GRIP1: variants seen among roughly 807,000 people sequenced by gnomAD.
The protein encoded by GRIP1 is glutamate receptor interacting protein 1.
Under a neutral mutation model 129.9 loss-of-function variants are expected in GRIP1, and 45 were observed. The observed-to-expected ratio is 0.35, with a 90% CI of 0.27 to 0.44. The LOEUF is 0.44. Ranked by LOEUF, GRIP1 falls within the 20% of genes least tolerant of loss-of-function variation. The pLI is 1.00. For missense variants in GRIP1, 1,196 were observed against 1,396.8 expected (o/e 0.86, Z 2.29); for synonymous variants, 530 against 520.8 (o/e 1.02, Z -0.24).
intron 7 of GRIP1, among the ~76,000 whole-genome samples, chr12:66,496,207 C>A (rs974309765): frequency 1.2e-4 from 19 of 152,224 alleles, no homozygotes; most frequent in Admixed American, 1.0e-3. Flanking sequence ...TGAAGCCACA[C>A]CTGAACGTGT....
At chr12:66,749,011 A>C (rs905244853) in intron 1 of GRIP1, among the ~76,000 whole-genome samples, 2 of 152,188 alleles carry the variant, frequency 1.3e-5, no homozygotes, top group African/African-American at 4.8e-5. Flanking sequence ...GCAGACACTT[A>C]ATAAACATTT....
chr12:66,984,009 T>C (rs1020206008), intron 1 of GRIP1, among the ~76,000 whole-genome samples: 8 of 152,118 alleles, frequency 5.3e-5, no homozygotes, highest in African/African-American at 1.4e-4. Context: ...AAGATGGGGA[T>C]GTTCAGGTTA....
At chr12:66,761,486 C>T (rs1253000657) in intron 1 of GRIP1, among the ~76,000 whole-genome samples, 2 of 152,102 alleles carry the variant, frequency 1.3e-5, no homozygotes, top group Non-Finnish European at 2.9e-5. Context: ...TCTAATGTTC[C>T]AGATCCCACA....
intron 1 of GRIP1, among the ~76,000 whole-genome samples, chr12:66,751,314 A>C (rs1179643565): frequency 6.6e-6 from 1 of 152,186 alleles, no homozygotes; most frequent in Non-Finnish European, 1.5e-5. Flanking sequence ...GAGTTCGGTG[A>C]GTAGAGAAGC....
intron 8 of GRIP1, 40 bp from the exon 9 acceptor site, chr12:66,463,133 C>T (rs767671509): frequency 2.2e-5 from 33 of 1,531,208 alleles, no homozygotes; most frequent in Non-Finnish European, 2.8e-5. Context: ...GCAGTGCCTT[C>T]CTCTTTGGAA....
At chr12:67,059,856 C>T (rs1386805059) in intron 1 of GRIP1, among the ~76,000 whole-genome samples, 2 of 152,030 alleles carry the variant, frequency 1.3e-5, no homozygotes, top group Non-Finnish European at 2.9e-5. Context: ...TATTACCTGC[C>T]CAAGGTTACA....
intron 1 of GRIP1, among the ~76,000 whole-genome samples, chr12:66,925,113 T>C (rs1217229977): frequency 6.6e-6 from 1 of 152,166 alleles, no homozygotes; most frequent in African/African-American, 2.4e-5. Flanking sequence ...ATAAGATTCA[T>C]AGGAAGAGAG....
intron 1 of GRIP1, among the ~76,000 whole-genome samples, chr12:66,928,104 T>G (rs1052099061): frequency 9.2e-5 from 14 of 152,340 alleles, no homozygotes; most frequent in Non-Finnish European, 1.9e-4. Flanking sequence ...GGACTTCAGT[T>G]GTGTTTGATC....
intron 2 of GRIP1, chr12:66,568,406 T>C (rs1298723883): frequency 5.8e-6 from 1 of 173,480 alleles, no homozygotes; most frequent in African/African-American, 2.4e-5. Flanking sequence ...TCTACTTTAG[T>C]AAGATCCATA....
At chr12:66,561,558 A>C (rs2062530197) in intron 2 of GRIP1, among the ~76,000 whole-genome samples, 1 of 152,122 alleles carries the variant, frequency 6.6e-6, no homozygotes, top group Non-Finnish European at 1.5e-5. Flanking sequence ...ATTTAGAAAA[A>C]CAAAGGGTTA....
intron 4 of GRIP1, among the ~76,000 whole-genome samples, chr12:66,534,839 G>A (rs567872271): frequency 2.6e-5 from 4 of 152,052 alleles, no homozygotes; most frequent in East Asian, 1.9e-4. Flanking sequence ...GATTACTGGC[G>A]CCCACCACCA....
At chr12:66,877,360 A>C in intron 1 of GRIP1, among the ~76,000 whole-genome samples, 1 of 152,042 alleles carries the variant, frequency 6.6e-6, no homozygotes, top group Non-Finnish European at 1.5e-5. Context: ...ATGTATGTTG[A>C]TATTGTTGGT....
intron 1 of GRIP1, among the ~76,000 whole-genome samples, chr12:66,882,826 T>G (rs1195875843): frequency 6.6e-6 from 1 of 152,078 alleles, no homozygotes; most frequent in Admixed American, 6.6e-5. Context: ...GCCAGAAGGA[T>G]TATTATCTCC....
intron 1 of GRIP1, among the ~76,000 whole-genome samples, chr12:66,696,992 G>A (rs1391837614): frequency 2.0e-5 from 3 of 152,152 alleles, no homozygotes; most frequent in South Asian, 2.1e-4. Context: ...TCTGGGTTCT[G>A]TAAAGCACAA....
chr12:66,832,721 G>T (rs1338365061), intron 1 of GRIP1, among the ~76,000 whole-genome samples: 1 of 152,044 alleles, frequency 6.6e-6, no homozygotes, highest in Non-Finnish European at 1.5e-5. Context: ...CTGTTTCTCT[G>T]GCCTTAGGCA....
intron 13 of GRIP1, among the ~76,000 whole-genome samples, chr12:66,438,442 C>G (rs1236927228): frequency 6.6e-6 from 1 of 151,912 alleles, no homozygotes; most frequent in Non-Finnish European, 1.5e-5. Context: ...GTTCCTGATC[C>G]CAGTTCCTCA....
chr12:66,941,904 G>A (rs57606111), intron 1 of GRIP1, among the ~76,000 whole-genome samples: 2,757 of 152,068 alleles, frequency 0.018, 96 homozygotes, highest in African/African-American at 0.063. Flanking sequence ...TCATCCAATC[G>A]CACAGCAAAC....
intron 1 of GRIP1, among the ~76,000 whole-genome samples, chr12:66,856,535 AAAC>A (rs1474815122): frequency 1.3e-5 from 2 of 152,136 alleles, no homozygotes; most frequent in Non-Finnish European, 1.5e-5. Context: ...AGAAAAAAAC[AAAC>A]AACCCCATCA....
At chr12:66,757,803 C>T (rs1000947625) in intron 1 of GRIP1, among the ~76,000 whole-genome samples, 7 of 152,196 alleles carry the variant, frequency 4.6e-5, no homozygotes, top group African/African-American at 1.7e-4. Context: ...TGGGGTAAGA[C>T]GATATCTCAC....
Sources: allele counts gnomAD v4.1 joint callset (sites outside exome capture counted in the v4.1 genomes callset), GRCh38; gene constraint gnomAD v4.1.1; transcripts MANE v1.5; gene names NCBI Gene and HGNC (gene_info 2026-07-23, HGNC 2026-07-21).